Variants in RERE observed in about 807,000 individuals in gnomAD.
RERE encodes the protein arginine-glutamic acid dipeptide repeats protein.
Under a neutral mutation model 146.1 loss-of-function variants are expected in RERE, and 40 were observed. That is an observed-to-expected ratio of 0.27 (90% CI 0.21 to 0.36). The LOEUF is 0.36. Ranked by LOEUF, RERE falls within the 10% of genes least tolerant of loss-of-function variation. The pLI, the probability that RERE is intolerant of heterozygous loss-of-function variation, is 1.00. For missense variants in RERE, 1,933 were observed against 2,138.7 expected (o/e 0.90, Z 1.90); for synonymous variants, 1,003 against 866.0 (o/e 1.16, Z -2.78).
Position 8,708,808 on chromosome 1 carries a change from A to C in RERE, c.-144-52367T>G, listed in dbSNP as rs187120903. Among the ~76,000 whole-genome samples the C allele has an allele frequency of 1.8e-3, 281 of 152,188 alleles. 2 individuals are homozygous for C. Among genetic ancestry groups the C allele is most frequent in the African/African-American group, 6.6e-3 (272 of 41,488 alleles). ...GGTATGTCTTTATCAGCAGCATGAA[A>C]ATATACTAATACATGGAGTTACAAT... On this transcript the variant is annotated intron_variant, in intron 1 of 22. Coordinates refer to ENST00000400908, the MANE Select transcript of RERE (RefSeq NM_001042681.2).
chr1:8,563,217 T>C (rs1646099383), intron 4 of RERE, among the ~76,000 whole-genome samples: 1 of 152,224 alleles, frequency 6.6e-6, no homozygotes, highest in South Asian at 2.1e-4. Flanking sequence ...TCAATTTAAA[T>C]AGCCTGAGTC....
At chr1:8,779,843 A>G (rs1311028057) in intron 1 of RERE, among the ~76,000 whole-genome samples, 2 of 152,194 alleles carry the variant, frequency 1.3e-5, no homozygotes, top group African/African-American at 4.8e-5. Context: ...CATTCATTAC[A>G]ATGATGATGA....
chr1:8,592,500 G>A (rs1404566573), intron 4 of RERE, among the ~76,000 whole-genome samples: 1 of 152,026 alleles, frequency 6.6e-6, no homozygotes, highest in Non-Finnish European at 1.5e-5. Flanking sequence ...TTAAACTCCT[G>A]GGCTCTAGTG....
chr1:8,738,779 T>TA (rs2124499099), intron 1 of RERE, among the ~76,000 whole-genome samples: 1 of 152,306 alleles, frequency 6.6e-6, no homozygotes, highest in African/African-American at 2.4e-5. Flanking sequence ...CCAGCCTCCT[T>TA]AGGAGGTTCC....
chr1:8,634,668 C>G (rs149913432), intron 2 of RERE, among the ~76,000 whole-genome samples: 1 of 152,124 alleles, frequency 6.6e-6, no homozygotes, highest in Non-Finnish European at 1.5e-5. Context: ...TGTTTTCATT[C>G]GGGTTTTTGT....
intron 4 of RERE, among the ~76,000 whole-genome samples, chr1:8,575,885 T>G (rs1261684951): frequency 6.6e-6 from 1 of 152,072 alleles, no homozygotes; most frequent in Admixed American, 6.5e-5. Context: ...ACAATGTAAC[T>G]GAACTGCAAT....
rs761875399 is a variant in RERE at position 8,361,806 on chromosome 1, G to A, written c.1973C>T (p.Thr658Met). 5.3e-5 allele frequency: 85 copies of A among 1,613,872 alleles called. No individual in the cohort carries two copies. Among genetic ancestry groups the A allele is most frequent in the Middle Eastern group, 3.3e-4 (2 of 6,072 alleles). ...KRQREKVASD[T>M]EEADRTSSKK... ...GGAGCTGGTCCTGTCAGCCTCCTCC[G>A]TATCAGAGGCCACCTTCTCCCGCTG... is the stretch of plus-strand genomic sequence containing the variant. Residue 658 changes from threonine (T) to methionine (M), a missense_variant, in exon 17 of 23, where the codon ACG (threonine) becomes ATG (methionine). This residue lies in a region of RERE where 1,255 missense variants were observed against 1,153.8 expected (regional missense o/e 1.09). Coordinates refer to ENST00000400908, the MANE Select transcript of RERE (RefSeq NM_001042681.2).
At position 8,359,782 on chromosome 1, in the gene RERE, G is replaced by T; in HGVS notation, c.3600C>A (p.Arg1200=). The change falls in exon 19 of 23, where the codon CGC becomes CGA. Residue 1200 remains arginine (R), a synonymous_variant. Transcript: ENST00000400908. ...GACTCACAGCCGCCCGCTCTGCCTC[G>T]CGCTCCCGCTCTCGCTCCCGCTCCC... ...KERERERERE[R]EAERAAKASS... 1 of 1,601,050 alleles carries T rather than the reference G, an allele frequency of 6.2e-7. No individual in the cohort carries two copies.
At chr1:8,511,320 C>T (rs1270143687) in intron 7 of RERE, among the ~76,000 whole-genome samples, 2 of 152,086 alleles carry the variant, frequency 1.3e-5, no homozygotes, top group East Asian at 3.8e-4. Flanking sequence ...TAGGCTATAA[C>T]ATGAAAACCA....
At chr1:8,813,522 T>C (rs1389639610) in intron 1 of RERE, among the ~76,000 whole-genome samples, 1 of 152,192 alleles carries the variant, frequency 6.6e-6, no homozygotes, top group Non-Finnish European at 1.5e-5. Context: ...TATGTGTGTT[T>C]TTACAGCACC....
intron 2 of RERE, among the ~76,000 whole-genome samples, chr1:8,642,941 T>A (rs572774897): frequency 6.6e-6 from 1 of 152,226 alleles, no homozygotes; most frequent in Non-Finnish European, 1.5e-5. Flanking sequence ...TAACTCTGCC[T>A]GCGCTAATAG....
chr1:8,378,914 G>A (rs1488880941), intron 12 of RERE, among the ~76,000 whole-genome samples: 2 of 152,210 alleles, frequency 1.3e-5, no homozygotes, highest in Non-Finnish European at 2.9e-5. Flanking sequence ...GATGCAGTCT[G>A]CTGGGGGAGA....
rs1321939154 is a variant in RERE at position 8,562,086 on chromosome 1, G to GT, written c.523-4564dup. On this transcript the variant is annotated intron_variant, in intron 4 of 22. Transcript: ENST00000400908. Reference sequence around the variant, plus strand: ...GATTAAATAAATTAATATAAAGCAAGTGGATGAGCTCAAAAAATGTCAGAT... The same window carrying GT: ...GATTAAATAAATTAATATAAAGCAAGTTGGATGAGCTCAAAAAATGTCAGAT... Among the ~76,000 whole-genome samples the GT allele has an allele frequency of 3.9e-5, 6 of 152,282 alleles. 1 individual carries two copies. The East Asian group carries it at 9.6e-4, about 24-fold the overall frequency.
At chr1:8,509,474 C>T (rs749905141) in intron 7 of RERE, among the ~76,000 whole-genome samples, 1 of 152,092 alleles carries the variant, frequency 6.6e-6, no homozygotes, top group Non-Finnish European at 1.5e-5. Context: ...TATTTAAGTA[C>T]CTACTATAAG....
intron 1 of RERE, among the ~76,000 whole-genome samples, chr1:8,730,444 C>T (rs1433924910): frequency 6.6e-6 from 1 of 152,002 alleles, no homozygotes; most frequent in Non-Finnish European, 1.5e-5. Context: ...CCGGGTTCAC[C>T]CCATTCTCCT....
intron 12 of RERE, among the ~76,000 whole-genome samples, chr1:8,417,401 T>A (rs1250951598): frequency 1.3e-5 from 2 of 152,244 alleles, no homozygotes; most frequent in African/African-American, 4.8e-5. Flanking sequence ...AGAAAGGTGG[T>A]TGATTTTCAT....
chr1:8,466,936 T>A (rs1236801111), intron 10 of RERE, among the ~76,000 whole-genome samples: 2 of 152,214 alleles, frequency 1.3e-5, no homozygotes, highest in South Asian at 4.1e-4. Flanking sequence ...TCCTGCTCTA[T>A]CTACCTCCCC....
At chr1:8,547,068 T>C (rs1553183078) in intron 6 of RERE, among the ~76,000 whole-genome samples, 1 of 120,746 alleles carries the variant, frequency 8.3e-6, no homozygotes, top group Admixed American at 8.6e-5. Flanking sequence ...CCAGTACAAA[T>C]ACCAACAAGC....
rs772316650 is a variant in RERE, at chr1:8,557,497, G to A, written c.549C>T (p.Asn183=). The change falls in exon 5 of 23, where the codon AAC becomes AAT. Residue 183 remains asparagine (N), a synonymous_variant. Coordinates refer to ENST00000400908, the MANE Select transcript of RERE (RefSeq NM_001042681.2). ...CAGATTGACGGTAGTACCATTTGAC[G>A]TTCATGAGGAGATGGTCCCTCTTAC... is the stretch of plus-strand genomic sequence containing the variant. ...VGSKRDHLLM[N]VKWYYRQSEV... is the part of the protein sequence containing the mutation. 21 of 1,612,148 alleles carry A rather than the reference G, an allele frequency of 1.3e-5. No individual in the cohort carries two copies. The highest frequency in any genetic ancestry group is 6.7e-5 in the Admixed American group (4 of 59,988).
Sources: allele counts gnomAD v4.1 joint callset (sites outside exome capture counted in the v4.1 genomes callset), GRCh38; gene constraint gnomAD v4.1.1; regional missense constraint gnomAD v4.1.1; transcripts MANE v1.5; gene names NCBI Gene and HGNC (gene_info 2026-07-23, HGNC 2026-07-21).